TMCC1: variants seen among roughly 807,000 people sequenced by gnomAD.
TMCC1 encodes transmembrane and coiled-coil domain family 1, also known as transmembrane and coiled-coil domains protein 1.
Under a neutral mutation model 52.4 loss-of-function variants are expected in TMCC1, and 15 were observed. The ratio of observed to expected loss-of-function variants is 0.29; its 90% CI spans 0.19 to 0.44. TMCC1 has a LOEUF of 0.44. Among genes scored for constraint, TMCC1 ranks in the 20% least tolerant of loss-of-function variants. TMCC1 has a pLI of 1.00. For missense variants in TMCC1, 503 were observed against 806.0 expected, an observed-to-expected ratio of 0.62 and a Z score of 4.55; for synonymous variants, 279 against 301.9, an observed-to-expected ratio of 0.92 and a Z score of 0.79.
intron 4 of TMCC1, among the ~76,000 whole-genome samples, chr3:129,693,641 T>C (rs947366479): frequency 6.6e-6 from 1 of 151,870 alleles, no homozygotes; most frequent in Non-Finnish European, 1.5e-5. Context: ...TGAAACACTG[T>C]GCCCATCCCA....
chr3:129,670,329 C>T lies in TMCC1; in HGVS notation c.1511+1G>A. On this transcript the variant is annotated splice_donor_variant, in intron 5 of 6. Transcript: ENST00000393238. LOFTEE classifies it high-confidence loss of function. ...TCAGATATTAATTCCATGTGACTTA[C>T]CTATATCGCTCCTCCTGTAAGGTCT... 6.2e-7 allele frequency: 1 copy of T among 1,611,844 alleles called. No homozygotes were observed. The highest frequency in any genetic ancestry group is 8.5e-7 in the Non-Finnish European group (1 of 1,178,720).
At chr3:129,829,561 T>C (rs958478201) in intron 3 of TMCC1, among the ~76,000 whole-genome samples, 4 of 151,658 alleles carry the variant, frequency 2.6e-5, no homozygotes, top group Non-Finnish European at 5.9e-5. Flanking sequence ...TAAGACAAAA[T>C]TATATACATG....
intron 4 of TMCC1, among the ~76,000 whole-genome samples, chr3:129,772,442 A>C (rs1386959291): frequency 6.6e-6 from 1 of 152,110 alleles, no homozygotes; most frequent in Non-Finnish European, 1.5e-5. Context: ...CATACCAGGC[A>C]TGGTGGCTCA....
intron 4 of TMCC1, among the ~76,000 whole-genome samples, chr3:129,678,979 T>G (rs759567049): frequency 2.0e-5 from 3 of 152,184 alleles, no homozygotes; most frequent in Non-Finnish European, 4.4e-5. Flanking sequence ...CCTGTAACTT[T>G]CCAGTGGCTC....
chr3:129,893,450 G>C (rs1234375632), intron 1 of TMCC1, 44 bp downstream of exon 1: 1 of 152,004 alleles, frequency 6.6e-6, no homozygotes, highest in East Asian at 1.9e-4. Flanking sequence ...GCCGTGAGGG[G>C]GCCGCGACCG....
At chr3:129,847,883 T>A (rs1182373139) in intron 2 of TMCC1, 1 of 152,254 alleles carries the variant, frequency 6.6e-6, no homozygotes, top group Non-Finnish European at 1.5e-5. Flanking sequence ...TGCAGTGGTA[T>A]CTCATTATGG....
At chr3:129,682,066 AAACTT>A (rs750194498) in intron 4 of TMCC1, among the ~76,000 whole-genome samples, 3 of 152,094 alleles carry the variant, frequency 2.0e-5, no homozygotes, top group Non-Finnish European at 4.4e-5. Context: ...TTTTAACTGA[AAACTT>A]AAGTTTTTCT....
At chr3:129,844,036 AAGTAGGGTTTATCC>A (rs2059548964) in intron 2 of TMCC1, among the ~76,000 whole-genome samples, 1 of 152,202 alleles carries the variant, frequency 6.6e-6, no homozygotes, top group African/African-American at 2.4e-5. Flanking sequence ...CATCTAGGCT[AAGTAGGGTTTATCC>A]CAGGGATGTA....
At chr3:129,692,768 A>C (rs1206358932) in intron 4 of TMCC1, among the ~76,000 whole-genome samples, 1 of 152,176 alleles carries the variant, frequency 6.6e-6, no homozygotes, top group Non-Finnish European at 1.5e-5. Flanking sequence ...TTTTGTTTTT[A>C]AAGGAAAAGG....
chr3:129,801,597 G>C (rs114234853), intron 4 of TMCC1, among the ~76,000 whole-genome samples: 7,521 of 152,156 alleles, frequency 0.049, 288 homozygotes, highest in Non-Finnish European at 0.073. Context: ...GAGTAGCTGG[G>C]ATTACAGGCA....
intron 1 of TMCC1, among the ~76,000 whole-genome samples, chr3:129,886,084 T>C (rs921399073): frequency 2.0e-5 from 3 of 152,166 alleles, no homozygotes; most frequent in East Asian, 3.9e-4. Context: ...CAGAGACTGC[T>C]TGAGACCACT....
At chr3:129,693,225 G>A (rs1445745351) in intron 4 of TMCC1, among the ~76,000 whole-genome samples, 1 of 152,070 alleles carries the variant, frequency 6.6e-6, no homozygotes, top group African/African-American at 2.4e-5. Flanking sequence ...TATGAAAGAT[G>A]ATTCTTATTT....
chr3:129,892,430 A>C (rs1485771718), intron 1 of TMCC1: 1 of 152,234 alleles, frequency 6.6e-6, no homozygotes, highest in East Asian at 1.9e-4. Context: ...TTTGAGTTTC[A>C]ATCTCCTAAT....
chr3:129,808,537 A>C (rs1411935193), intron 4 of TMCC1, among the ~76,000 whole-genome samples: 1 of 151,654 alleles, frequency 6.6e-6, no homozygotes, highest in Non-Finnish European at 1.5e-5. Context: ...TGAAAGATTT[A>C]CAGTTCTTTG....
intron 4 of TMCC1, among the ~76,000 whole-genome samples, chr3:129,709,183 T>G (rs913072909): frequency 1.3e-5 from 2 of 152,028 alleles, no homozygotes; most frequent in Non-Finnish European, 2.9e-5. Context: ...CTTTAGATTG[T>G]CCGGTGTAGT....
intron 4 of TMCC1, among the ~76,000 whole-genome samples, chr3:129,760,600 C>T (rs949575107): frequency 1.3e-5 from 2 of 151,988 alleles, no homozygotes; most frequent in Non-Finnish European, 1.5e-5. Context: ...GCCTCAGCCT[C>T]CTAAGTAGCT....
intron 4 of TMCC1, among the ~76,000 whole-genome samples, chr3:129,678,409 G>A (rs1477122028): frequency 3.2e-5 from 4 of 125,382 alleles, no homozygotes; most frequent in African/African-American, 6.2e-5. Context: ...TGCCCAGGCT[G>A]GAGTGCAGTG....
intron 4 of TMCC1, among the ~76,000 whole-genome samples, chr3:129,737,182 G>A (rs997480122): frequency 4.6e-5 from 7 of 152,030 alleles, no homozygotes; most frequent in Admixed American, 3.9e-4. Flanking sequence ...GAGGCTAGAG[G>A]GGGGCCGGGC....
intron 2 of TMCC1, among the ~76,000 whole-genome samples, chr3:129,864,452 A>G (rs1183504503): frequency 6.6e-6 from 1 of 152,178 alleles, no homozygotes; most frequent in East Asian, 1.9e-4. Context: ...AAATTCTCAT[A>G]CCCATCTGTT....
Sources: gnomAD v4.1 joint callset for allele counts (sites outside exome capture counted in the v4.1 genomes callset) on GRCh38, gnomAD v4.1.1 for gene constraint, MANE v1.5 for transcripts, NCBI Gene and HGNC (gene_info 2026-07-23, HGNC 2026-07-21) for gene names.